PEBP4: variants seen among roughly 807,000 people sequenced by gnomAD.
PEBP4 encodes phosphatidylethanolamine-binding protein 4.
Under a neutral mutation model 23.9 loss-of-function variants are expected in PEBP4, and 22 were observed. The ratio of observed to expected loss-of-function variants is 0.92; its 90% CI spans 0.66 to 1.31. The LOEUF is 1.31. Among genes scored for constraint, PEBP4 ranks in the 40% most tolerant of loss-of-function variants. PEBP4 has a pLI of 0.00. For missense variants in PEBP4, 324 were observed against 281.7 expected (o/e 1.15, Z -1.07); for synonymous variants, 112 against 99.3 (o/e 1.13, Z -0.76).
In PEBP4 at chr8:22,927,868, G is replaced by T; in HGVS notation, c.-52C>A. On this transcript the variant is annotated 5_prime_UTR_variant, in exon 1 of 7. Transcript: ENST00000256404. Reference sequence around the variant, plus strand: ...AAGGACAGGCAGCTTCCAGGGCTCCGCAGCTAATCCAGTCCACCACCCGGA... The same window carrying T: ...AAGGACAGGCAGCTTCCAGGGCTCCTCAGCTAATCCAGTCCACCACCCGGA... 2.3e-6 allele frequency: 2 copies of T among 882,188 alleles called. No homozygotes were observed. The highest frequency in any genetic ancestry group is 1.7e-6 in the Non-Finnish European group (1 of 591,544). 54.6% of individuals were successfully genotyped at this position (882,188 alleles called of 1,614,324 possible).
At chr8:22,856,047 CA>C (rs34409506) in intron 3 of PEBP4, among the ~76,000 whole-genome samples, 16,602 of 91,334 alleles carry the variant, frequency 0.18, 655 homozygotes, top group Admixed American at 0.24. Flanking sequence ...GACCCTGTCT[CA>C]AAAAAAAAAA....
At chr8:22,748,694 G>A (rs1805182217) in intron 4 of PEBP4, among the ~76,000 whole-genome samples, 1 of 152,064 alleles carries the variant, frequency 6.6e-6, no homozygotes, top group Non-Finnish European at 1.5e-5. Context: ...GGGTGGAACA[G>A]CTTTTGGTAG....
At chr8:22,930,871 T>A (rs1301596363), upstream of PEBP4, among the ~76,000 whole-genome samples, 1 of 152,194 alleles carries the variant, frequency 6.6e-6, no homozygotes, top group Admixed American at 6.5e-5. Flanking sequence ...GTCCCATTGC[T>A]AGATTTCTTG....
chr8:22,893,329 T>G (rs1403622774), intron 3 of PEBP4, among the ~76,000 whole-genome samples: 1 of 152,204 alleles, frequency 6.6e-6, no homozygotes, highest in Non-Finnish European at 1.5e-5. Flanking sequence ...TGCCAGATCA[T>G]AGCTCAAGAA....
chr8:22,845,689 G>C (rs939029529), intron 3 of PEBP4, among the ~76,000 whole-genome samples: 11 of 152,368 alleles, frequency 7.2e-5, no homozygotes, highest in Non-Finnish European at 1.5e-4. Flanking sequence ...CCTTCAGGTT[G>C]AGAAATCCAT....
chr8:22,719,175 A>G (rs1453899237), intron 6 of PEBP4, among the ~76,000 whole-genome samples: 1 of 152,138 alleles, frequency 6.6e-6, no homozygotes, highest in Non-Finnish European at 1.5e-5. Flanking sequence ...CAGGACTCCC[A>G]TTTTGCAGTG....
At chr8:22,762,883 G>A (rs1805538634) in intron 4 of PEBP4, among the ~76,000 whole-genome samples, 1 of 152,170 alleles carries the variant, frequency 6.6e-6, no homozygotes, top group South Asian at 2.1e-4. Context: ...CTGGACTCCA[G>A]GTTCCTGACT....
chr8:22,912,116 C>A (rs569763108), intron 3 of PEBP4, among the ~76,000 whole-genome samples: 1 of 152,104 alleles, frequency 6.6e-6, no homozygotes, highest in African/African-American at 2.4e-5. Flanking sequence ...GAGAAGGCCA[C>A]GAGGATAAGG....
chr8:22,806,132 C>G (rs188061708), intron 4 of PEBP4, among the ~76,000 whole-genome samples: 2 of 152,204 alleles, frequency 1.3e-5, no homozygotes, highest in East Asian at 3.9e-4. Flanking sequence ...CAGATCTTCC[C>G]CCTTCTGTAT....
intron 4 of PEBP4, among the ~76,000 whole-genome samples, chr8:22,807,005 G>A (rs1806509138): frequency 6.6e-6 from 1 of 152,192 alleles, no homozygotes; most frequent in Non-Finnish European, 1.5e-5. Context: ...CAGACCATCT[G>A]CTTATTAAAC....
At chr8:22,849,437 CA>C (rs1807506538) in intron 3 of PEBP4, among the ~76,000 whole-genome samples, 1 of 152,146 alleles carries the variant, frequency 6.6e-6, no homozygotes, top group South Asian at 2.1e-4. Flanking sequence ...GACCTGAGGT[CA>C]GTTAGAGGGC....
chr8:22,800,055 G>T (rs62494995), intron 4 of PEBP4, among the ~76,000 whole-genome samples: 364 of 152,284 alleles, frequency 2.4e-3, no homozygotes, highest in Non-Finnish European at 4.1e-3. Context: ...TCCTTTGTAG[G>T]GACATGGATG....
intron 4 of PEBP4, among the ~76,000 whole-genome samples, chr8:22,793,280 C>G (rs1244081129): frequency 6.6e-6 from 1 of 151,716 alleles, no homozygotes; most frequent in Non-Finnish European, 1.5e-5. Context: ...ATTCTTTTTT[C>G]TTTTGAGACA....
upstream of PEBP4, among the ~76,000 whole-genome samples, chr8:22,932,485 C>A (rs556764158): frequency 2.0e-5 from 3 of 152,164 alleles, no homozygotes; most frequent in South Asian, 6.2e-4. Context: ...GATTAGGAAG[C>A]TCCAAGCTCT....
chr8:22,826,085 T>C (rs1347213198), intron 3 of PEBP4, among the ~76,000 whole-genome samples: 3 of 152,210 alleles, frequency 2.0e-5, no homozygotes, highest in Non-Finnish European at 4.4e-5. Flanking sequence ...CTTTCAGTCA[T>C]GAAGGAAATT....
chr8:22,819,723 C>G (rs1806818135), intron 3 of PEBP4, among the ~76,000 whole-genome samples: 1 of 152,124 alleles, frequency 6.6e-6, no homozygotes, highest in Admixed American at 6.5e-5. Context: ...TCTCCTGCCT[C>G]AGCCTCCCAA....
At chr8:22,815,803 G>C (rs1158965091) in intron 4 of PEBP4, among the ~76,000 whole-genome samples, 2 of 152,222 alleles carry the variant, frequency 1.3e-5, no homozygotes, top group East Asian at 3.8e-4. Flanking sequence ...GTTGTACAGA[G>C]CTCCTGTGAG....
intron 6 of PEBP4, among the ~76,000 whole-genome samples, chr8:22,717,335 A>G (rs892306328): frequency 1.3e-5 from 2 of 152,168 alleles, no homozygotes; most frequent in Non-Finnish European, 2.9e-5. Context: ...CTGCACCTAG[A>G]CAGGCCCACT....
At chr8:22,917,030 G>A (rs1809090675) in intron 3 of PEBP4, among the ~76,000 whole-genome samples, 1 of 150,032 alleles carries the variant, frequency 6.7e-6, no homozygotes, top group Non-Finnish European at 1.5e-5. Flanking sequence ...TGGGGAAGTG[G>A]CCAATGCCAG....
Sources: gnomAD v4.1 joint callset for allele counts (sites outside exome capture counted in the v4.1 genomes callset) on GRCh38, gnomAD v4.1.1 for gene constraint, MANE v1.5 for transcripts, NCBI Gene and HGNC (gene_info 2026-07-23, HGNC 2026-07-21) for gene names.